The following HS3ST5 variants were observed in gnomAD, a reference collection of about 807,000 sequenced individuals.
HS3ST5 encodes heparan sulfate-glucosamine 3-sulfotransferase 5.
Under a neutral mutation model 25.4 loss-of-function variants are expected in HS3ST5, and 10 were observed. The ratio of observed to expected loss-of-function variants is 0.39; its 90% confidence interval spans 0.24 to 0.67. HS3ST5 has a LOEUF of 0.67. Ranked by LOEUF, HS3ST5 falls within the 30% of genes least tolerant of loss-of-function variation. The pLI is 0.44. For synonymous variants in HS3ST5, 170 were observed against 162.4 expected (o/e 1.05, Z -0.36); for missense variants, 324 against 420.7 (o/e 0.77, Z 2.01).
At chr6:114,320,511 A>C (rs1213509694) in intron 1 of HS3ST5, among the ~76,000 whole-genome samples, 2 of 152,124 alleles carry the variant, frequency 1.3e-5, no homozygotes, top group African/African-American at 4.8e-5. Context: ...ATTCGATTGC[A>C]TCATAAGATA....
chr6:114,156,777 T>G (rs1330971862), intron 3 of HS3ST5, among the ~76,000 whole-genome samples: 1 of 152,138 alleles, frequency 6.6e-6, no homozygotes, highest in Non-Finnish European at 1.5e-5. Flanking sequence ...CCTCTTCACA[T>G]TTCCCTACCA....
At chr6:114,180,162 C>G (rs1779905622) in intron 2 of HS3ST5, among the ~76,000 whole-genome samples, 1 of 152,072 alleles carries the variant, frequency 6.6e-6, no homozygotes, top group Non-Finnish European at 1.5e-5. Context: ...CAGATATATC[C>G]AGAAACAATA....
chr6:114,057,911 A>G lies in HS3ST5; in HGVS notation c.387T>C (p.Asp129=). The change falls in exon 5 of 5, where the codon GAT becomes GAC. Residue 129 remains aspartate, a synonymous_variant. Transcript: ENST00000312719. ...ASQEIHFFDN[D]ENYGKGIEWY... ...ACTCAATGCCCTTACCATAATTCTC[A>G]TCATTATCAAAAAAGTGGATTTCTT... is the stretch of plus-strand genomic sequence containing the variant. 6.2e-7 allele frequency: 1 copy of G among 1,614,158 alleles called. No individual in the cohort carries two copies. Among genetic ancestry groups the G allele is most frequent in the Non-Finnish European group, 8.5e-7 (1 of 1,180,026 alleles).
chr6:114,246,985 G>T (rs1345106253), intron 1 of HS3ST5, among the ~76,000 whole-genome samples: 1 of 152,180 alleles, frequency 6.6e-6, no homozygotes, highest in African/African-American at 2.4e-5. Context: ...GAAAAAGAAT[G>T]AAAAGAAGAG....
At chr6:114,207,426 T>A (rs1441465566) in intron 2 of HS3ST5, among the ~76,000 whole-genome samples, 1 of 152,104 alleles carries the variant, frequency 6.6e-6, no homozygotes, top group Admixed American at 6.6e-5. Flanking sequence ...CAAAAAACAA[T>A]ACTATCTCTG....
At chr6:114,303,499 C>T (rs1331498196) in intron 1 of HS3ST5, among the ~76,000 whole-genome samples, 1 of 151,722 alleles carries the variant, frequency 6.6e-6, no homozygotes, top group East Asian at 1.9e-4. Context: ...ATGGCTTCCA[C>T]CTGATTTAAA....
chr6:114,097,044 A>G (rs1775467875), intron 3 of HS3ST5, among the ~76,000 whole-genome samples: 1 of 152,086 alleles, frequency 6.6e-6, no homozygotes, highest in Non-Finnish European at 1.5e-5. Flanking sequence ...AAAAGGGGAA[A>G]AAAAGAGCTT....
chr6:114,108,931 G>A (rs1369109540), intron 3 of HS3ST5, among the ~76,000 whole-genome samples: 2 of 152,202 alleles, frequency 1.3e-5, no homozygotes, highest in Non-Finnish European at 2.9e-5. Flanking sequence ...GGGAGACTGA[G>A]GCTGGTGGAT....
At chr6:114,206,726 T>A (rs1033525805) in intron 2 of HS3ST5, among the ~76,000 whole-genome samples, 1 of 152,192 alleles carries the variant, frequency 6.6e-6, no homozygotes. Context: ...ATTAAAATGT[T>A]ACTAAACATA....
At position 114,055,821 on chromosome 6, in the gene HS3ST5, T is replaced by A. The variant is rs1372920794; in HGVS notation, c.*1436A>T. 1 of 152,210 alleles carries A rather than the reference T, an allele frequency of 6.6e-6. No individual in the cohort carries two copies. Among genetic ancestry groups the A allele is most frequent in the Non-Finnish European group, 1.5e-5 (1 of 68,028 alleles). 9.4% of individuals were successfully genotyped at this position (152,210 alleles called of 1,614,324 possible). A position where few individuals can be genotyped will look rare whatever the true frequency, so the allele number is the denominator to read the frequency against. ...AAAAAAAAAATCCATCTTTTTGTTG[T>A]CGTTGTTAATACCCCTTTCCACATT... On this transcript the variant is annotated 3_prime_UTR_variant, in exon 5 of 5. Transcript: ENST00000312719.
intron 1 of HS3ST5, among the ~76,000 whole-genome samples, chr6:114,270,885 A>G (rs1463077450): frequency 6.6e-6 from 1 of 152,158 alleles, no homozygotes; most frequent in Admixed American, 6.6e-5. Context: ...ATTAACAATT[A>G]TCACAGAAAA....
chr6:114,284,568 C>T (rs1158754652), intron 1 of HS3ST5, among the ~76,000 whole-genome samples: 1 of 151,906 alleles, frequency 6.6e-6, no homozygotes, highest in Non-Finnish European at 1.5e-5. Flanking sequence ...GAATCTTCCA[C>T]CTCCTAAAAT....
chr6:114,122,201 G>A (rs958780962), intron 3 of HS3ST5, among the ~76,000 whole-genome samples: 3 of 152,200 alleles, frequency 2.0e-5, no homozygotes, highest in African/African-American at 7.2e-5. Context: ...TTAGAGTCAT[G>A]CTTTGGTACC....
intron 1 of HS3ST5, among the ~76,000 whole-genome samples, chr6:114,231,855 G>A (rs1436557811): frequency 1.3e-5 from 2 of 151,736 alleles, no homozygotes; most frequent in African/African-American, 4.8e-5. Context: ...GGGATCATGA[G>A]AGGAAAACCT....
At chr6:114,144,018 T>TA (rs1255238878) in intron 3 of HS3ST5, 1 of 152,190 alleles carries the variant, frequency 6.6e-6, no homozygotes, top group African/African-American at 2.4e-5. Flanking sequence ...AATTTTTACT[T>TA]AAGAGACTCA....
chr6:114,300,125 C>A (rs1582798829), intron 1 of HS3ST5, among the ~76,000 whole-genome samples: 2 of 149,166 alleles, frequency 1.3e-5, no homozygotes, highest in Non-Finnish European at 1.5e-5. Context: ...GATATGACAC[C>A]AAAAGTATGG....
At chr6:114,203,350 C>T (rs1781116770) in intron 2 of HS3ST5, among the ~76,000 whole-genome samples, 1 of 152,100 alleles carries the variant, frequency 6.6e-6, no homozygotes, top group Non-Finnish European at 1.5e-5. Flanking sequence ...AAATTAACTC[C>T]CTCCTTGCTT....
chr6:114,331,978 T>C (rs2114918728), intron 1 of HS3ST5, among the ~76,000 whole-genome samples: 1 of 152,074 alleles, frequency 6.6e-6, no homozygotes, highest in South Asian at 2.1e-4. Flanking sequence ...ACTTAAATAA[T>C]ATGATTATTA....
intron 2 of HS3ST5, among the ~76,000 whole-genome samples, chr6:114,196,351 T>G (rs537259070): frequency 6.6e-6 from 1 of 152,156 alleles, no homozygotes; most frequent in African/African-American, 2.4e-5. Context: ...GTTTTGCCTA[T>G]GAATTGGGGT....
Sources: allele counts gnomAD v4.1 joint callset (sites outside exome capture counted in the v4.1 genomes callset), GRCh38; gene constraint gnomAD v4.1.1; transcripts MANE v1.5; gene names NCBI Gene and HGNC (gene_info 2026-07-23, HGNC 2026-07-21).